GLYATL2: variants seen among roughly 807,000 people sequenced by gnomAD.
GLYATL2 encodes glycine-N-acyltransferase like 2.
Under a neutral mutation model 21.4 loss-of-function variants are expected in GLYATL2, and 25 were observed. The ratio of observed to expected loss-of-function variants is 1.17; its 90% CI spans 0.85 to 1.63. GLYATL2 has a LOEUF of 1.63. GLYATL2 is among the 40% of genes most tolerant of loss of function. The probability of loss-of-function intolerance (pLI) is 0.00; values close to 1 mark genes in which losing one functional copy is unlikely to be tolerated. For missense variants in GLYATL2, 361 were observed against 343.3 expected, an observed-to-expected ratio of 1.05 and a Z score of -0.41; for synonymous variants, 114 against 118.2, an observed-to-expected ratio of 0.96 and a Z score of 0.23.
In GLYATL2 at chr11:58,871,773, AT is replaced by A. The variant is rs563130854; in HGVS notation, n.60+32382del. Among the ~76,000 whole-genome samples the A allele has an allele frequency of 4.6e-3, 705 of 152,270 alleles. 6 individuals are homozygous for A. Among genetic ancestry groups the A allele is most frequent in the African/African-American group, 0.016 (670 of 41,538 alleles). ...GTGCATGTGTCTTTATAGCAGCATG[AT>A]TTATAATCCTTTGGGTATATACCCA... On this transcript the variant is annotated intron_variant and non_coding_transcript_variant, in intron 1 of 4. Coordinates refer to the GLYATL2 transcript ENST00000533636.
chr11:58,841,293 A>G (rs1371652009), intron 1 of GLYATL2, among the ~76,000 whole-genome samples: 1 of 152,216 alleles, frequency 6.6e-6, no homozygotes, highest in African/African-American at 2.4e-5. Context: ...TGGGCTTTGG[A>G]ATTAAACAAA....
chr11:58,868,704 C>G (rs369756467), intron 1 of GLYATL2, among the ~76,000 whole-genome samples: 2 of 149,146 alleles, frequency 1.3e-5, no homozygotes, highest in African/African-American at 4.8e-5. Flanking sequence ...TAAGCAGCTG[C>G]TTACCCAATT....
intron 1 of GLYATL2, among the ~76,000 whole-genome samples, chr11:58,861,339 A>G (rs1028886398): frequency 2.2e-4 from 34 of 151,950 alleles, no homozygotes; most frequent in African/African-American, 8.2e-4. Context: ...GAATTTACTC[A>G]TTTATTCTAG....
chr11:58,839,117 G>A (rs556631952), intron 2 of GLYATL2, among the ~76,000 whole-genome samples: 16 of 152,246 alleles, frequency 1.1e-4, no homozygotes, highest in African/African-American at 3.9e-4. Flanking sequence ...AAAAAAGGCT[G>A]GAGAATTTTG....
intron 1 of GLYATL2, among the ~76,000 whole-genome samples, chr11:58,868,196 CT>C (rs755603052): frequency 1.3e-5 from 2 of 148,948 alleles, no homozygotes; most frequent in Non-Finnish European, 3.0e-5. Flanking sequence ...GAAACCTCCC[CT>C]GTAGTCCCAT....
upstream of GLYATL2, among the ~76,000 whole-genome samples, chr11:58,848,897 G>A (rs937358861): frequency 5.9e-5 from 9 of 151,944 alleles, no homozygotes; most frequent in Admixed American, 4.6e-4. Context: ...ACTATCTCAA[G>A]GCATTTAAAA....
At chr11:58,851,595 G>A (rs1365677595) in intron 1 of GLYATL2, among the ~76,000 whole-genome samples, 1 of 152,074 alleles carries the variant, frequency 6.6e-6, no homozygotes, top group East Asian at 1.9e-4. Context: ...AGACAATTGA[G>A]TTGGCCTTCT....
At chr11:58,854,203 T>C (rs1329517317) in intron 1 of GLYATL2, among the ~76,000 whole-genome samples, 1 of 152,236 alleles carries the variant, frequency 6.6e-6, no homozygotes, top group Non-Finnish European at 1.5e-5. Context: ...TTCATTAATC[T>C]GTTGATAGAC....
chr11:58,856,509 C>A (rs547469), intron 1 of GLYATL2, among the ~76,000 whole-genome samples: 18 of 151,824 alleles, frequency 1.2e-4, no homozygotes, highest in African/African-American at 3.9e-4. Context: ...TGCCTTCCTC[C>A]CTATGCTTAA....
At chr11:58,852,264 C>T (rs1249018013) in intron 1 of GLYATL2, among the ~76,000 whole-genome samples, 1 of 152,058 alleles carries the variant, frequency 6.6e-6, no homozygotes, top group Non-Finnish European at 1.5e-5. Flanking sequence ...CTATTAGATA[C>T]CCAACCCCAT....
chr11:58,860,768 A>G (rs1257832849), intron 1 of GLYATL2, among the ~76,000 whole-genome samples: 1 of 151,996 alleles, frequency 6.6e-6, no homozygotes, highest in Non-Finnish European at 1.5e-5. Flanking sequence ...TATGAGCTAC[A>G]TTTCTTCTAT....
chr11:58,877,739 T>G (rs1854263350), intron 1 of GLYATL2, among the ~76,000 whole-genome samples: 1 of 152,180 alleles, frequency 6.6e-6, no homozygotes, highest in Non-Finnish European at 1.5e-5. Flanking sequence ...AGTAGAATGG[T>G]AGCAGCAAAA....
At chr11:58,891,238 T>A (rs1163877310) in intron 1 of GLYATL2, among the ~76,000 whole-genome samples, 2 of 152,212 alleles carry the variant, frequency 1.3e-5, no homozygotes, top group African/African-American at 2.4e-5. Flanking sequence ...CATTCACTGC[T>A]AAACCTCTCA....
chr11:58,882,443 T>C (rs1331672649), intron 1 of GLYATL2, among the ~76,000 whole-genome samples: 1 of 152,224 alleles, frequency 6.6e-6, no homozygotes, highest in Non-Finnish European at 1.5e-5. Context: ...ATTTTTTTCT[T>C]ATAAATTTTT....
chr11:58,885,953 A>T (rs906669596), intron 1 of GLYATL2, among the ~76,000 whole-genome samples: 1 of 152,316 alleles, frequency 6.6e-6, no homozygotes. Context: ...GGTGTCTTCT[A>T]CCTGTAATCC....
At chr11:58,907,091 A>G, upstream of GLYATL2, 1 of 301,958 alleles carries the variant, frequency 3.3e-6, no homozygotes, top group Non-Finnish European at 6.7e-6. Context: ...GGGTTGGAGG[A>G]AAGTTACACC....
chr11:58,849,550 C>T (rs1314320454), upstream of GLYATL2, among the ~76,000 whole-genome samples: 2 of 152,116 alleles, frequency 1.3e-5, no homozygotes, highest in East Asian at 3.8e-4. Context: ...TGAAGCTATA[C>T]TAAAGTCTCT....
At chr11:58,867,130 T>C (rs1012130762) in intron 1 of GLYATL2, among the ~76,000 whole-genome samples, 5 of 148,840 alleles carry the variant, frequency 3.4e-5, no homozygotes, top group African/African-American at 9.7e-5. Flanking sequence ...TAGGGCCTCA[T>C]AGGGATTCAA....
At chr11:58,839,504 T>C (rs200111107) in intron 2 of GLYATL2, 31 bp downstream of exon 2, 1 of 1,418,242 alleles carries the variant, frequency 7.1e-7, no homozygotes, top group Admixed American at 1.8e-5. Context: ...CTCAACCCTC[T>C]CTCTCCTTTG....
Sources: allele counts gnomAD v4.1 joint callset (sites outside exome capture counted in the v4.1 genomes callset), GRCh38; gene constraint gnomAD v4.1.1; transcripts MANE v1.5; gene names NCBI Gene and HGNC (gene_info 2026-07-23, HGNC 2026-07-21).